Variants in DNAJC5B observed in about 807,000 individuals in gnomAD.
DNAJC5B encodes the protein DnaJ heat shock protein family (Hsp40) member C5 beta.
A neutral mutation model predicts 24.7 loss-of-function variants in DNAJC5B; 23 were observed. That is an observed-to-expected ratio of 0.93 (90% CI 0.67 to 1.32). The LOEUF (loss-of-function observed/expected upper bound fraction) is 1.32. Ranked by LOEUF, DNAJC5B falls within the 40% of genes most tolerant of loss-of-function variation. DNAJC5B has a pLI of 0.00. For missense variants in DNAJC5B, 238 were observed against 240.8 expected (o/e 0.99, Z 0.08); for synonymous variants, 101 against 90.1 (o/e 1.12, Z -0.68).
chr8:66,096,618 A>G (rs73244949), intron 5 of DNAJC5B, among the ~76,000 whole-genome samples: 2,318 of 152,208 alleles, frequency 0.015, 60 homozygotes, highest in African/African-American at 0.052. Flanking sequence ...ATTATTATGG[A>G]GTCACTTCTA....
At chr8:66,076,040 C>G (rs1254705272) in intron 3 of DNAJC5B, among the ~76,000 whole-genome samples, 2 of 152,098 alleles carry the variant, frequency 1.3e-5, no homozygotes, top group Admixed American at 1.3e-4. Flanking sequence ...AGGCCTTATG[C>G]CCACAAGAAA....
At position 66,076,807 on chromosome 8, in the gene DNAJC5B, C is replaced by T. The variant is rs758067740; in HGVS notation, c.267C>T (p.Tyr89=). 6.2e-7 allele frequency: 1 copy of T among 1,614,162 alleles called. No homozygotes were observed. The highest frequency in any genetic ancestry group is 2.2e-5 in the East Asian group (1 of 44,884). ...IYDKYGSLGL[Y]VAEQFGDENV... ...ACAAGTACGGATCGCTGGGACTCTA[C>T]GTGGCCGAGCAGTTTGGAGACGAAA... The change falls in exon 4 of 6, where the codon TAC becomes TAT. Residue 89 remains tyrosine (Y), a synonymous_variant. Transcript: ENST00000276570.
intron 3 of DNAJC5B, among the ~76,000 whole-genome samples, chr8:66,075,128 G>C (rs1807433068): frequency 6.6e-6 from 1 of 152,136 alleles, no homozygotes; most frequent in South Asian, 2.1e-4. Flanking sequence ...GTGCAGTGAT[G>C]CAGTCTTGGT....
intron 3 of DNAJC5B, among the ~76,000 whole-genome samples, chr8:66,073,007 G>A (rs183511947): frequency 4.6e-5 from 7 of 152,194 alleles, no homozygotes; most frequent in Admixed American, 1.3e-4. Flanking sequence ...TTTTGACATC[G>A]TACTTGGGGT....
At chr8:66,059,918 C>T (rs986848847) in intron 3 of DNAJC5B, among the ~76,000 whole-genome samples, 2 of 152,204 alleles carry the variant, frequency 1.3e-5, no homozygotes, top group South Asian at 4.1e-4. Context: ...CTCTCAGTCC[C>T]CAAGTCCCGA....
At chr8:66,052,118 ATT>A (rs748199400) in intron 3 of DNAJC5B, among the ~76,000 whole-genome samples, 37 of 136,230 alleles carry the variant, frequency 2.7e-4, no homozygotes, top group Admixed American at 4.4e-4. Context: ...CACCCAGCTA[ATT>A]TTTTTTTTTT....
chr8:66,099,188 C>A (rs1352055997), intron 5 of DNAJC5B, among the ~76,000 whole-genome samples: 2 of 152,170 alleles, frequency 1.3e-5, no homozygotes, highest in African/African-American at 4.8e-5. Context: ...CTTGAGAGCA[C>A]ATCTTGCACT....
chr8:66,036,235 A>G (rs1357784472), intron 1 of DNAJC5B, among the ~76,000 whole-genome samples: 1 of 152,096 alleles, frequency 6.6e-6, no homozygotes, highest in African/African-American at 2.4e-5. Context: ...ACTGCTGGTG[A>G]ACTGGCTGAT....
At chr8:66,028,779 T>C (rs1207170470) in intron 1 of DNAJC5B, among the ~76,000 whole-genome samples, 1 of 152,108 alleles carries the variant, frequency 6.6e-6, no homozygotes, top group East Asian at 1.9e-4. Context: ...AGATCACTCA[T>C]CTCTCCAACC....
At chr8:66,081,978 G>GCATA (rs1807606061) in intron 5 of DNAJC5B, among the ~76,000 whole-genome samples, 1 of 152,076 alleles carries the variant, frequency 6.6e-6, no homozygotes, top group African/African-American at 2.4e-5. Flanking sequence ...CAAGTAAATG[G>GCATA]GTTAAGGAGT....
intron 5 of DNAJC5B, among the ~76,000 whole-genome samples, chr8:66,095,553 A>C (rs1004319758): frequency 6.6e-6 from 1 of 150,378 alleles, no homozygotes; most frequent in Non-Finnish European, 1.5e-5. Context: ...TCATTTTCTA[A>C]CTTCTTAATT....
intron 3 of DNAJC5B, among the ~76,000 whole-genome samples, chr8:66,073,396 C>G (rs111232826): frequency 0.017 from 2,557 of 152,046 alleles, 57 homozygotes; most frequent in African/African-American, 0.057. Flanking sequence ...GGTCGACATA[C>G]TATACAAAAG....
intron 1 of DNAJC5B, among the ~76,000 whole-genome samples, chr8:66,027,302 C>A (rs1806267491): frequency 6.6e-6 from 1 of 152,220 alleles, no homozygotes; most frequent in Non-Finnish European, 1.5e-5. Flanking sequence ...CCATAGACAT[C>A]TTCCTCCAAT....
intron 1 of DNAJC5B, among the ~76,000 whole-genome samples, 163 bp from the exon 2 acceptor site, chr8:66,043,325 G>C (rs1365885107): frequency 6.6e-6 from 1 of 152,184 alleles, no homozygotes; most frequent in Non-Finnish European, 1.5e-5. Context: ...AGTCCCGGTG[G>C]AGACGCTGGA....
chr8:66,098,757 C>T (rs1808009589), intron 5 of DNAJC5B, among the ~76,000 whole-genome samples: 1 of 151,946 alleles, frequency 6.6e-6, no homozygotes, highest in African/African-American at 2.4e-5. Flanking sequence ...GCTGTTAAGC[C>T]AATTCATGAA....
At chr8:66,040,885 T>C (rs1197718405) in intron 1 of DNAJC5B, among the ~76,000 whole-genome samples, 1 of 152,222 alleles carries the variant, frequency 6.6e-6, no homozygotes, top group Non-Finnish European at 1.5e-5. Flanking sequence ...CCTTTGTAAC[T>C]TCTCTTTAAA....
At chr8:66,016,733 T>C (rs1266472973), upstream of DNAJC5B, among the ~76,000 whole-genome samples, 1 of 152,230 alleles carries the variant, frequency 6.6e-6, no homozygotes. Flanking sequence ...GTGGTCTGTA[T>C]GGCATTATGT....
At chr8:66,098,410 C>T (rs1384934873) in intron 5 of DNAJC5B, among the ~76,000 whole-genome samples, 2 of 151,794 alleles carry the variant, frequency 1.3e-5, no homozygotes, top group Non-Finnish European at 2.9e-5. Context: ...ACCATGTTGG[C>T]CAGGATGGTC....
chr8:66,096,360 A>G (rs28690794), intron 5 of DNAJC5B, among the ~76,000 whole-genome samples: 14,812 of 152,180 alleles, frequency 0.097, 2,335 homozygotes, highest in African/African-American at 0.33. Context: ...TAGGACTTCA[A>G]CATACGAATT....
Sources: allele counts gnomAD v4.1 joint callset (sites outside exome capture counted in the v4.1 genomes callset), GRCh38; gene constraint gnomAD v4.1.1; transcripts MANE v1.5; gene names NCBI Gene and HGNC (gene_info 2026-07-23, HGNC 2026-07-21).